NRXN3: variants seen among roughly 807,000 people sequenced by gnomAD.
The protein encoded by NRXN3 is neurexin III.
In NRXN3, 32 loss-of-function variants were observed where a neutral mutation model predicts 137.6. That is an observed-to-expected ratio of 0.23 (90% confidence interval 0.18 to 0.31). The LOEUF is 0.31. Among genes scored for constraint, NRXN3 ranks in the 10% least tolerant of loss-of-function variants. The pLI is 1.00. For missense variants in NRXN3, 1,574 were observed against 2,062.5 expected, an observed-to-expected ratio of 0.76 and a Z score of 4.59; for synonymous variants, 798 against 784.5, an observed-to-expected ratio of 1.02 and a Z score of -0.29.
intron 16 of NRXN3, among the ~76,000 whole-genome samples, chr14:79,536,282 T>C (rs2097210525): frequency 6.6e-6 from 1 of 152,148 alleles, no homozygotes; most frequent in Admixed American, 6.5e-5. Context: ...GTGTGATCCA[T>C]GATTACATCA....
rs942809215 is a variant in NRXN3, at chr14:79,867,155, C to T, written c.*5191C>T. ...CAGCTAATACATGACAATGTCATGA[C>T]TTAAAATCCAGTCTTGTGGTTCCAA... is the stretch of plus-strand genomic sequence containing the variant. On this transcript the variant is annotated 3_prime_UTR_variant, in exon 21 of 21. Coordinates refer to ENST00000335750, the MANE Select transcript of NRXN3 (RefSeq NM_001330195.2). 6.6e-6 allele frequency: 1 copy of T among 152,204 alleles called. No individual in the cohort carries two copies. Among genetic ancestry groups the T allele is most frequent in the African/African-American group, 2.4e-5 (1 of 41,460 alleles). The allele number at this position is 152,204 out of a possible 1,614,324, so 9.4% of individuals were successfully genotyped here. A position where few individuals can be genotyped will look rare whatever the true frequency, so the allele number is the denominator to read the frequency against.
chr14:79,088,571 T>A (rs1042036456), intron 15 of NRXN3, among the ~76,000 whole-genome samples: 4 of 152,148 alleles, frequency 2.6e-5, no homozygotes, highest in African/African-American at 7.2e-5. Context: ...ATTTTCCCTA[T>A]GACTTGGGCT....
chr14:79,655,858 A>T (rs912437716), intron 16 of NRXN3, among the ~76,000 whole-genome samples: 2 of 152,178 alleles, frequency 1.3e-5, no homozygotes, highest in Non-Finnish European at 2.9e-5. Flanking sequence ...CCAAGACATT[A>T]ATGTAAGAAA....
At chr14:78,432,412 G>A (rs954206428) in intron 4 of NRXN3, among the ~76,000 whole-genome samples, 2 of 152,012 alleles carry the variant, frequency 1.3e-5, no homozygotes, top group Non-Finnish European at 2.9e-5. Context: ...GCCTGCCAAG[G>A]TTTACCTCTG....
At chr14:79,580,916 CT>C (rs1345478145) in intron 16 of NRXN3, among the ~76,000 whole-genome samples, 1 of 151,942 alleles carries the variant, frequency 6.6e-6, no homozygotes, top group East Asian at 1.9e-4. Flanking sequence ...TTTCCGATAA[CT>C]TTTTTTTCTG....
intron 16 of NRXN3, among the ~76,000 whole-genome samples, chr14:79,544,793 A>G (rs527238245): frequency 6.6e-6 from 1 of 152,204 alleles, no homozygotes; most frequent in Non-Finnish European, 1.5e-5. Flanking sequence ...TTACAAACGC[A>G]TATTGTTGAT....
intron 19 of NRXN3, among the ~76,000 whole-genome samples, chr14:79,763,356 A>G (rs2099045076): frequency 6.6e-6 from 1 of 151,760 alleles, no homozygotes; most frequent in Non-Finnish European, 1.5e-5. Flanking sequence ...TTTATAGCAG[A>G]ATGATTTATA....
intron 4 of NRXN3, among the ~76,000 whole-genome samples, chr14:78,547,663 A>G (rs2096649544): frequency 2.0e-5 from 3 of 151,638 alleles, no homozygotes; most frequent in African/African-American, 7.3e-5. Context: ...ATATATTTAT[A>G]TTTTCTTTGT....
At chr14:79,434,202 CT>C (rs1316504121) in intron 15 of NRXN3, among the ~76,000 whole-genome samples, 2 of 152,120 alleles carry the variant, frequency 1.3e-5, no homozygotes, top group African/African-American at 4.8e-5. Flanking sequence ...GCAAATGATA[CT>C]GTGAAATCTC....
intron 15 of NRXN3, among the ~76,000 whole-genome samples, chr14:79,355,250 T>TCCCCC (rs1566892730): frequency 6.7e-6 from 1 of 148,560 alleles, no homozygotes; most frequent in African/African-American, 2.6e-5. Flanking sequence ...GGCTTTTCTG[T>TCCCCC]CCCCCACCCC....
chr14:78,878,359 T>A (rs1482567338), intron 10 of NRXN3, among the ~76,000 whole-genome samples: 1 of 152,128 alleles, frequency 6.6e-6, no homozygotes, highest in East Asian at 1.9e-4. Context: ...CAAGGCAAAA[T>A]TATTTAATAA....
intron 2 of NRXN3, among the ~76,000 whole-genome samples, chr14:78,273,720 G>A (rs2073145071): frequency 6.6e-6 from 1 of 152,164 alleles, no homozygotes; most frequent in Non-Finnish European, 1.5e-5. Context: ...CAAAAAGTGG[G>A]GGCAGATTGC....
intron 15 of NRXN3, among the ~76,000 whole-genome samples, chr14:79,398,704 C>A (rs1032360529): frequency 6.6e-6 from 1 of 151,892 alleles, no homozygotes; most frequent in South Asian, 2.1e-4. Context: ...GGGGTTGAGT[C>A]TTTAGGCATC....
chr14:79,759,789 T>A (rs2099032168), intron 19 of NRXN3, among the ~76,000 whole-genome samples: 1 of 151,726 alleles, frequency 6.6e-6, no homozygotes, highest in African/African-American at 2.4e-5. Context: ...GAAACACACA[T>A]AAGAAATTCA....
At chr14:79,662,659 A>T (rs563222653) in intron 16 of NRXN3, among the ~76,000 whole-genome samples, 5 of 152,220 alleles carry the variant, frequency 3.3e-5, no homozygotes, top group African/African-American at 1.2e-4. Flanking sequence ...GATGTATAGG[A>T]AGCATAGCAG....
At chr14:78,832,675 CT>C (rs1370288738) in intron 10 of NRXN3, among the ~76,000 whole-genome samples, 3 of 152,116 alleles carry the variant, frequency 2.0e-5, no homozygotes, top group African/African-American at 7.2e-5. Flanking sequence ...CAAAAGACAT[CT>C]CCTTGAATAT....
intron 15 of NRXN3, among the ~76,000 whole-genome samples, chr14:79,025,858 G>A (rs577386182): frequency 4.6e-5 from 7 of 152,204 alleles, no homozygotes; most frequent in African/African-American, 1.4e-4. Flanking sequence ...GCTGTTTAAC[G>A]ATGCCATTTG....
At chr14:78,619,047 G>A (rs980294030) in intron 4 of NRXN3, among the ~76,000 whole-genome samples, 1 of 152,096 alleles carries the variant, frequency 6.6e-6, no homozygotes, top group Non-Finnish European at 1.5e-5. Context: ...TGTTGCATCC[G>A]AGACTATCCC....
At chr14:79,250,068 A>T (rs2153371563) in intron 15 of NRXN3, among the ~76,000 whole-genome samples, 1 of 152,368 alleles carries the variant, frequency 6.6e-6, no homozygotes, top group Admixed American at 6.5e-5. Context: ...GTTAATAAGC[A>T]GAACTGTGAC....
Sources: gnomAD v4.1 joint callset for allele counts (sites outside exome capture counted in the v4.1 genomes callset) on GRCh38, gnomAD v4.1.1 for gene constraint, MANE v1.5 for transcripts, NCBI Gene and HGNC (gene_info 2026-07-23, HGNC 2026-07-21) for gene names.